CCNF: variants seen among roughly 807,000 people sequenced by gnomAD.
CCNF encodes cyclin F, also known as cyclin-F.
In CCNF, 30 loss-of-function variants were observed where a neutral mutation model predicts 85.4. That is an observed-to-expected ratio of 0.35 (90% CI 0.26 to 0.48). The LOEUF is 0.48. Among genes scored for constraint, CCNF ranks in the 20% least tolerant of loss-of-function variants. CCNF has a pLI of 0.99. For missense variants in CCNF, 919 were observed against 1,010.4 expected, an observed-to-expected ratio of 0.91 and a Z score of 1.23; for synonymous variants, 439 against 425.1, an observed-to-expected ratio of 1.03 and a Z score of -0.40.
intron 10 of CCNF, 44 bp from the exon 11 acceptor site, chr16:2,448,811 C>G (rs1474554697): frequency 2.5e-6 from 4 of 1,598,820 alleles, no homozygotes. Flanking sequence ...CACCCCTGCC[C>G]CAGGAAGTGG....
intron 1 of CCNF, among the ~76,000 whole-genome samples, chr16:2,429,859 G>A (rs1261048127): frequency 6.6e-6 from 1 of 152,104 alleles, no homozygotes; most frequent in Non-Finnish European, 1.5e-5. Context: ...GGGCTGCGGA[G>A]CGCGTGGGGG....
Position 2,438,115 on chromosome 16 carries a change from C to A in CCNF, c.586C>A (p.Leu196Met). The A allele has an allele frequency of 6.2e-7, 1 of 1,608,368 alleles. No homozygotes were observed. The highest frequency in any genetic ancestry group is 8.5e-7 in the Non-Finnish European group (1 of 1,174,774). The change falls in exon 6 of 17, where the codon CTG becomes ATG. Residue 196 changes from leucine (L) to methionine (M), a missense_variant. By Grantham distance (15) the Leu-to-Met change is conservative (BLOSUM62 2). Transcript: ENST00000397066. ...GCACTGCTTGGGCAGAGTGCTGAGT[C>A]TGTTCGAGGTGAGTCAAGTTGTTCT... ...ILHCLGRVLS[L>M]FEDEEKQQQA...
intron 5 of CCNF, 153 bp from the exon 6 acceptor site, chr16:2,437,917 A>AC: frequency 1.7e-6 from 1 of 583,236 alleles, no homozygotes; most frequent in Non-Finnish European, 3.1e-6. Context: ...AAAAAAAAAA[A>AC]AAAAAGACTG....
chr16:2,450,692 C>T (rs2065390013), intron 13 of CCNF, among the ~76,000 whole-genome samples: 1 of 152,218 alleles, frequency 6.6e-6, no homozygotes, highest in African/African-American at 2.4e-5. Context: ...GGCACTGGCA[C>T]ACCGTGGCCC....
chr16:2,450,773 T>C lies in CCNF; in HGVS notation c.1487+858T>C, dbSNP rs535874598. 3.2e-3 allele frequency among the ~76,000 whole-genome samples: 487 copies of C among 152,340 alleles called. 1 individual carries two copies. The highest frequency in any genetic ancestry group is 5.5e-3 in the Non-Finnish European group (375 of 68,032). On this transcript the variant is annotated intron_variant, in intron 13 of 16. Transcript: ENST00000397066. ...CAGCCACCCTCACTGGTTTCCACAT[T>C]GTCTGCTGCTGCTTTTGCTCTGGCG...
Position 2,443,796 on chromosome 16 carries a change from A to G in CCNF, c.925A>G (p.Met309Val), listed in dbSNP as rs1281648913. The stretch of plus-strand genomic sequence containing the variant: ...CGTGCAGAAGGGACTCAATGACACA[A>G]TGAGGTGAGGCATTCAGGCCGGGGC... ...FSVQKGLNDTMRYILIDWLVE... is the reference protein window; with the variant it reads ...FSVQKGLNDTVRYILIDWLVE... The change falls in exon 9 of 17, where the codon ATG (methionine) becomes GTG (valine). Residue 309 changes from methionine (M) to valine (V), a missense_variant. By Grantham distance (21) the Met-to-Val change is conservative. Transcript: ENST00000397066. The G allele has an allele frequency of 9.3e-6, 15 of 1,613,994 alleles. No homozygotes were observed. The highest frequency in any genetic ancestry group is 1.3e-5 in the Non-Finnish European group (15 of 1,179,880).
At chr16:2,446,158 C>T (rs1257400854) in intron 10 of CCNF, among the ~76,000 whole-genome samples, 1 of 151,946 alleles carries the variant, frequency 6.6e-6, no homozygotes, top group Non-Finnish European at 1.5e-5. Context: ...GTGTGGGGTG[C>T]CTGCATCCAG....
intron 8 of CCNF, among the ~76,000 whole-genome samples, chr16:2,441,984 T>C (rs1157076341): frequency 7.7e-6 from 1 of 130,236 alleles, no homozygotes; most frequent in African/African-American, 2.9e-5. Flanking sequence ...TATATATATG[T>C]TTTTGTTTTT....
At chr16:2,447,986 G>T (rs1028158108) in intron 10 of CCNF, among the ~76,000 whole-genome samples, 1 of 152,252 alleles carries the variant, frequency 6.6e-6, no homozygotes, top group Admixed American at 6.5e-5. Flanking sequence ...GCAGCCAAGG[G>T]ACTTGGCCTC....
At chr16:2,455,293 TGACA>T (rs1201047018) in intron 15 of CCNF, 98 bp from the exon 16 acceptor site, 1 of 1,397,458 alleles carries the variant, frequency 7.2e-7, no homozygotes, top group East Asian at 2.5e-5. Context: ...GAGCACGTGG[TGACA>T]GGCTGGGGCA....
chr16:2,435,678 T>TGCACAC (rs777513820), intron 3 of CCNF, 128 bp from the exon 4 acceptor site: 2 of 13,238 alleles, frequency 1.5e-4, no homozygotes, highest in Non-Finnish European at 2.2e-4. Flanking sequence ...TATATATATA[T>TGCACAC]ATATATATAT....
At chr16:2,449,761 C>T (rs1187749005) in intron 12 of CCNF, 67 bp from the exon 13 acceptor site, 13 of 842,678 alleles carry the variant, frequency 1.5e-5, no homozygotes. Context: ...TCACCACAGC[C>T]CCTCCGTCCC....
chr16:2,430,118 T>G (rs2065255440), intron 1 of CCNF, among the ~76,000 whole-genome samples: 1 of 152,086 alleles, frequency 6.6e-6, no homozygotes, highest in Non-Finnish European at 1.5e-5. Context: ...GCTGATTTAA[T>G]TGCTAACAGG....
At chr16:2,435,950 T>A in intron 4 of CCNF, 77 bp downstream of exon 4, 1 of 1,042,904 alleles carries the variant, frequency 9.6e-7, no homozygotes, top group Non-Finnish European at 1.5e-6. Context: ...GTGGTCCCCG[T>A]GTTAGCAGTT....
intron 3 of CCNF, 68 bp downstream of exon 3, chr16:2,433,135 C>A: frequency 2.1e-6 from 2 of 961,668 alleles, no homozygotes; most frequent in Non-Finnish European, 3.3e-6. Context: ...CAGTCTGTGT[C>A]TCACGGCCTG....
intron 4 of CCNF, chr16:2,436,149 G>T (rs997477367): frequency 2.8e-6 from 1 of 358,458 alleles, no homozygotes; most frequent in Non-Finnish European, 5.2e-6. Context: ...GCCTCAGCAC[G>T]GGGGCTGTTT....
Position 2,445,495 on chromosome 16 carries a change from A to G in CCNF, c.967A>G (p.Met323Val). The part of the protein sequence containing the change: ...LIDWLVEVAT[M>V]KDFTSLCLHL... The stretch of plus-strand genomic sequence containing the variant: ...CGACTGGCTGGTGGAAGTTGCCACC[A>G]TGAAGGACTTCACAAGCCTGTGCCT... The change falls in exon 10 of 17, where the codon ATG becomes GTG. Residue 323 changes from methionine (M) to valine (V), a missense_variant. Physicochemically the swap from Met to Val is conservative, Grantham distance 21. Transcript: ENST00000397066. 5.0e-6 allele frequency: 8 copies of G among 1,614,050 alleles called. No individual in the cohort carries two copies. The highest frequency in any genetic ancestry group is 6.8e-6 in the Non-Finnish European group (8 of 1,180,036).
At chr16:2,429,799 G>A (rs192864152) in intron 1 of CCNF, among the ~76,000 whole-genome samples, 1 of 141,434 alleles carries the variant, frequency 7.1e-6, no homozygotes, top group Non-Finnish European at 1.5e-5. Context: ...GTCCCGGGGC[G>A]GCGATCGGGT....
chr16:2,430,082 G>A (rs934465596), intron 1 of CCNF, among the ~76,000 whole-genome samples: 9 of 152,174 alleles, frequency 5.9e-5, no homozygotes, highest in African/African-American at 2.2e-4. Context: ...AGAATTCGTC[G>A]CCCTGGAATA....
Sources: allele counts gnomAD v4.1 joint callset (sites outside exome capture counted in the v4.1 genomes callset), GRCh38; gene constraint gnomAD v4.1.1; transcripts MANE v1.5; gene names NCBI Gene and HGNC (gene_info 2026-07-23, HGNC 2026-07-21).